Variants in GPHN observed in about 807,000 individuals in gnomAD.
GPHN encodes gephyrin.
Under a neutral mutation model 95.5 loss-of-function variants are expected in GPHN, and 17 were observed. The ratio of observed to expected loss-of-function variants is 0.18; its 90% CI spans 0.12 to 0.27. GPHN has a LOEUF of 0.27. GPHN is among the 10% of genes least tolerant of loss of function. The pLI is 1.00. For synonymous variants in GPHN, 320 were observed against 322.5 expected (o/e 0.99, Z 0.08); for missense variants, 660 against 978.1 (o/e 0.67, Z 4.34).
At chr14:66,851,496 T>C (rs1222462030) in intron 4 of GPHN, among the ~76,000 whole-genome samples, 1 of 152,168 alleles carries the variant, frequency 6.6e-6, no homozygotes, top group East Asian at 1.9e-4. Context: ...TTTTGTAAAA[T>C]TGATTCATAT....
the GPHN span, among the ~76,000 whole-genome samples, chr14:67,245,080 A>G: frequency 3.9e-5 from 6 of 152,376 alleles, no homozygotes; most frequent in African/African-American, 1.4e-4. Flanking sequence ...AAGAGGCTCC[A>G]GAAAAGAAAG....
intron 4 of GPHN, among the ~76,000 whole-genome samples, chr14:66,827,662 A>G (rs185097238): frequency 6.6e-6 from 1 of 152,232 alleles, no homozygotes. Flanking sequence ...TTTTGCATGT[A>G]ATACCAGATA....
chr14:66,964,798 T>C (rs149055996), intron 8 of GPHN, among the ~76,000 whole-genome samples: 1,829 of 152,254 alleles, frequency 0.012, 18 homozygotes, highest in Non-Finnish European at 0.018. Context: ...ATGGTGTGCA[T>C]ACAGGTCAGC....
intron 4 of GPHN, among the ~76,000 whole-genome samples, chr14:66,856,839 T>C (rs1389218970): frequency 2.0e-5 from 3 of 152,256 alleles, no homozygotes; most frequent in African/African-American, 7.2e-5. Flanking sequence ...TTTTTATCAT[T>C]ATTAGGTAAA....
the GPHN span, among the ~76,000 whole-genome samples, chr14:67,363,676 G>A: frequency 6.6e-6 from 1 of 152,130 alleles, no homozygotes; most frequent in Admixed American, 6.5e-5. Context: ...TGTACCACAA[G>A]GAGATAGGCA....
At position 66,689,758 on chromosome 14, in the gene GPHN, T is replaced by C. The variant is rs547137866; in HGVS notation, c.143+8573T>C. ...GGTTTTTCATTTCTTCTTGGCTCAG[T>C]TGTGGTAGGTTGTTTGTGTCCAGGA... is the stretch of plus-strand genomic sequence containing the variant. On this transcript the variant is annotated intron_variant, in intron 2 of 22. Transcript: ENST00000478722. 3.1e-4 allele frequency among the ~76,000 whole-genome samples: 47 copies of C among 152,262 alleles called. No homozygotes were observed. The South Asian group carries it at 8.3e-3, about 27-fold the overall frequency.
At chr14:67,130,008 TTC>T (rs1424855610) in intron 17 of GPHN, among the ~76,000 whole-genome samples, 1 of 152,244 alleles carries the variant, frequency 6.6e-6, no homozygotes, top group Non-Finnish European at 1.5e-5. Flanking sequence ...TCATTATAAA[TTC>T]TTTTTCTTCA....
intron 1 of GPHN, among the ~76,000 whole-genome samples, chr14:66,620,943 A>G (rs1648930030): frequency 6.6e-6 from 1 of 152,180 alleles, no homozygotes; most frequent in Non-Finnish European, 1.5e-5. Flanking sequence ...GCCCCATGCC[A>G]GTCCCAAATC....
At chr14:66,978,087 T>A (rs1472632432) in intron 9 of GPHN, among the ~76,000 whole-genome samples, 1 of 152,230 alleles carries the variant, frequency 6.6e-6, no homozygotes, top group Non-Finnish European at 1.5e-5. Flanking sequence ...AAAAACACAC[T>A]GTGCATACCT....
the GPHN span, among the ~76,000 whole-genome samples, chr14:67,277,906 A>T: frequency 6.6e-6 from 1 of 152,300 alleles, no homozygotes; most frequent in East Asian, 1.9e-4. Flanking sequence ...TTAAAAGTTC[A>T]GTTTTCTTAT....
intron 1 of GPHN, among the ~76,000 whole-genome samples, chr14:66,607,373 A>C (rs2062583511): frequency 6.7e-6 from 1 of 150,308 alleles, no homozygotes; most frequent in Non-Finnish European, 1.5e-5. Context: ...TCATTTCGCT[A>C]GTTTTTTTTT....
chr14:66,799,823 T>G (rs1210141176), intron 3 of GPHN, among the ~76,000 whole-genome samples: 1 of 152,064 alleles, frequency 6.6e-6, no homozygotes, highest in Non-Finnish European at 1.5e-5. Context: ...TTATTATTGA[T>G]AAGTAAGGAT....
At chr14:67,003,308 C>G (rs2072368022) in intron 9 of GPHN, among the ~76,000 whole-genome samples, 1 of 151,660 alleles carries the variant, frequency 6.6e-6, no homozygotes, top group African/African-American at 2.4e-5. Context: ...GACTAGATTT[C>G]TAGACTAGTG....
chr14:67,001,082 G>A (rs1326032268), intron 9 of GPHN, among the ~76,000 whole-genome samples: 1 of 151,534 alleles, frequency 6.6e-6, no homozygotes, highest in Non-Finnish European at 1.5e-5. Flanking sequence ...TAATGGATGT[G>A]TAACAAGTTT....
At chr14:67,397,251 A>G in the GPHN span, among the ~76,000 whole-genome samples, 1 of 152,102 alleles carries the variant, frequency 6.6e-6, no homozygotes, top group Non-Finnish European at 1.5e-5. Context: ...GACTTTTTTA[A>G]TGGTAGAGTT....
the GPHN span, among the ~76,000 whole-genome samples, chr14:67,443,346 G>A: frequency 2.8e-4 from 42 of 152,294 alleles, no homozygotes; most frequent in South Asian, 8.7e-3. Flanking sequence ...TAAATTAAGA[G>A]TGCCATGTTG....
intron 2 of GPHN, 33 bp from the exon 3 acceptor site, chr14:66,776,431 G>A: frequency 8.0e-7 from 1 of 1,257,768 alleles, no homozygotes; most frequent in Non-Finnish European, 1.2e-6. Context: ...CACTATTGCT[G>A]GTTTTGAGAA....
the GPHN span, among the ~76,000 whole-genome samples, chr14:67,304,310 A>G: frequency 1.3e-5 from 2 of 152,232 alleles, no homozygotes; most frequent in African/African-American, 4.8e-5. Flanking sequence ...ATCCAAAAGG[A>G]CTGAAAACAT....
intron 1 of GPHN, among the ~76,000 whole-genome samples, chr14:66,605,765 C>G (rs2062500250): frequency 6.6e-6 from 1 of 152,066 alleles, no homozygotes; most frequent in Admixed American, 6.6e-5. Context: ...ATCTCCTGAC[C>G]TCTTGATCTG....
Sources: gnomAD v4.1 joint callset for allele counts (sites outside exome capture counted in the v4.1 genomes callset) on GRCh38, gnomAD v4.1.1 for gene constraint, MANE v1.5 for transcripts, NCBI Gene and HGNC (gene_info 2026-07-23, HGNC 2026-07-21) for gene names.